Variants in SLC24A2 observed in about 807,000 individuals in gnomAD.
SLC24A2 encodes the protein sodium/potassium/calcium exchanger 2.
In SLC24A2, 36 loss-of-function variants were observed where a neutral mutation model predicts 62.0. The observed-to-expected ratio is 0.58, with a 90% CI of 0.44 to 0.77. SLC24A2 has a LOEUF of 0.77. SLC24A2 is among the 30% of genes least tolerant of loss of function. The pLI is 0.00. For synonymous variants in SLC24A2, 358 were observed against 294.0 expected (o/e 1.22, Z -2.23); for missense variants, 846 against 817.9 (o/e 1.03, Z -0.42).
the SLC24A2 span, among the ~76,000 whole-genome samples, chr9:20,120,982 ATTTG>A: frequency 1.3e-5 from 2 of 150,668 alleles, no homozygotes; most frequent in South Asian, 4.2e-4. Flanking sequence ...TCCTTTATTT[ATTTG>A]CCTATTCTTT....
At chr9:20,231,505 G>C in the SLC24A2 span, among the ~76,000 whole-genome samples, 1 of 152,138 alleles carries the variant, frequency 6.6e-6, no homozygotes, top group Non-Finnish European at 1.5e-5. Context: ...AATTGTGAAT[G>C]GGAGTTTACT....
At chr9:20,035,926 G>C in the SLC24A2 span, among the ~76,000 whole-genome samples, 1 of 152,174 alleles carries the variant, frequency 6.6e-6, no homozygotes, top group Non-Finnish European at 1.5e-5. Flanking sequence ...GCCTGAAATG[G>C]CTAGGGGTAT....
rs968124797 is a variant in SLC24A2 at position 19,568,410 on chromosome 9, C to T, written c.1347+4941G>A. The stretch of plus-strand genomic sequence containing the variant: ...CTTGCCGTTCATACTGCAGCTCATA[C>T]ATGGTCTACCAATAGACGCCTTGCC... On this transcript the variant is annotated intron_variant, in intron 7 of 10. Coordinates refer to ENST00000341998, the MANE Select transcript of SLC24A2 (RefSeq NM_020344.4). Among the ~76,000 whole-genome samples the T allele has an allele frequency of 9.9e-5, 15 of 152,244 alleles. 1 individual carries two copies. The highest frequency in any genetic ancestry group is 4.1e-4 in the South Asian group (2 of 4,830).
chr9:20,261,433 A>G, the SLC24A2 span, among the ~76,000 whole-genome samples: 2 of 152,146 alleles, frequency 1.3e-5, no homozygotes, highest in Non-Finnish European at 1.5e-5. Context: ...TGTAAAAAGA[A>G]GAGTGCCAGG....
the SLC24A2 span, among the ~76,000 whole-genome samples, chr9:20,287,315 T>C: frequency 5.1e-4 from 77 of 152,254 alleles, no homozygotes; most frequent in Middle Eastern, 3.4e-3. Flanking sequence ...ATTCATCTCA[T>C]TGGGGAGAGC....
chr9:20,112,322 A>G, the SLC24A2 span, among the ~76,000 whole-genome samples: 4 of 152,212 alleles, frequency 2.6e-5, no homozygotes, highest in Non-Finnish European at 5.9e-5. Flanking sequence ...AGGAGGCTTT[A>G]AAACCCTGTG....
chr9:19,833,206 C>A, the SLC24A2 span, among the ~76,000 whole-genome samples: 3 of 152,162 alleles, frequency 2.0e-5, no homozygotes, highest in African/African-American at 7.2e-5. Context: ...GTTCATCTCA[C>A]TGGGGAGTGC....
the SLC24A2 span, among the ~76,000 whole-genome samples, chr9:20,058,790 C>A: frequency 3.3e-5 from 5 of 152,212 alleles, no homozygotes; most frequent in African/African-American, 9.6e-5. Flanking sequence ...CACATGCATA[C>A]ATGCATACGT....
chr9:19,736,422 G>A (rs1384402698), intron 2 of SLC24A2, among the ~76,000 whole-genome samples: 1 of 152,142 alleles, frequency 6.6e-6, no homozygotes, highest in Non-Finnish European at 1.5e-5. Flanking sequence ...GATACATTTT[G>A]AATATAAGAG....
the SLC24A2 span, among the ~76,000 whole-genome samples, chr9:20,107,168 C>G: frequency 6.6e-6 from 1 of 152,160 alleles, no homozygotes; most frequent in African/African-American, 2.4e-5. Flanking sequence ...AGGAGAACTA[C>G]AAACCACTGC....
chr9:19,874,712 T>G, the SLC24A2 span, among the ~76,000 whole-genome samples: 8 of 152,350 alleles, frequency 5.3e-5, 1 homozygote, highest in Admixed American at 5.2e-4. Flanking sequence ...GAATTTACAC[T>G]ACATCATTTC....
chr9:20,130,747 G>T, the SLC24A2 span, among the ~76,000 whole-genome samples: 4 of 152,174 alleles, frequency 2.6e-5, no homozygotes, highest in Non-Finnish European at 5.9e-5. Context: ...AGAATGTGTT[G>T]TAGGATGCAG....
intron 2 of SLC24A2, among the ~76,000 whole-genome samples, chr9:19,647,517 A>G (rs1037254944): frequency 3.3e-5 from 5 of 152,138 alleles, no homozygotes; most frequent in African/African-American, 4.8e-5. Flanking sequence ...AGCAGCAAGC[A>G]TTGCCCAGAA....
chr9:19,965,220 C>T, the SLC24A2 span, among the ~76,000 whole-genome samples: 126 of 152,124 alleles, frequency 8.3e-4, no homozygotes, highest in African/African-American at 2.9e-3. Flanking sequence ...ATCATTACCC[C>T]AGCACTGACC....
At chr9:19,992,575 T>A in the SLC24A2 span, among the ~76,000 whole-genome samples, 2 of 152,188 alleles carry the variant, frequency 1.3e-5, no homozygotes, top group African/African-American at 4.8e-5. Context: ...TGAGATAAGA[T>A]TTGATTAATT....
At chr9:19,609,105 T>C (rs1299922029) in intron 4 of SLC24A2, among the ~76,000 whole-genome samples, 2 of 152,264 alleles carry the variant, frequency 1.3e-5, no homozygotes, top group Non-Finnish European at 2.9e-5. Context: ...CAAGCCTTGC[T>C]TGCCTGCAGC....
the SLC24A2 span, among the ~76,000 whole-genome samples, chr9:19,974,828 T>C: frequency 6.6e-6 from 1 of 152,172 alleles, no homozygotes; most frequent in Non-Finnish European, 1.5e-5. Flanking sequence ...ACCAACAATA[T>C]GCAAAGGCTG....
chr9:19,856,945 C>T, the SLC24A2 span, among the ~76,000 whole-genome samples: 36 of 152,304 alleles, frequency 2.4e-4, no homozygotes, highest in Admixed American at 3.9e-4. Context: ...CCACAGAGAC[C>T]ACCACCGCCA....
At chr9:19,597,445 C>A (rs929450163) in intron 4 of SLC24A2, among the ~76,000 whole-genome samples, 166 bp from the exon 5 acceptor site, 1 of 152,182 alleles carries the variant, frequency 6.6e-6, no homozygotes, top group African/African-American at 2.4e-5. Context: ...ACAGCTTTCA[C>A]GGCCCATTTT....
Sources: gnomAD v4.1 joint callset for allele counts (sites outside exome capture counted in the v4.1 genomes callset) on GRCh38, gnomAD v4.1.1 for gene constraint, MANE v1.5 for transcripts, NCBI Gene and HGNC (gene_info 2026-07-23, HGNC 2026-07-21) for gene names.